The following SNTN variants were observed in gnomAD, a reference collection of about 807,000 sequenced individuals.
The protein encoded by SNTN is sentan, cilia apical structure protein, also known as sentan.
Under a neutral mutation model 12.3 loss-of-function variants are expected in SNTN, and 13 were observed. The ratio of observed to expected loss-of-function variants is 1.05; its 90% CI spans 0.69 to 1.67. SNTN has a LOEUF of 1.67. Among genes scored for constraint, SNTN ranks in the 40% most tolerant of loss-of-function variants. The probability of loss-of-function intolerance (pLI) is 0.00; values close to 1 mark genes in which losing one functional copy is unlikely to be tolerated. For missense variants in SNTN, 189 were observed against 169.8 expected (o/e 1.11, Z -0.63); for synonymous variants, 69 against 58.5 (o/e 1.18, Z -0.82).
At chr3:63,655,621 C>G (rs1700670686) in intron 2 of SNTN, among the ~76,000 whole-genome samples, 1 of 152,088 alleles carries the variant, frequency 6.6e-6, no homozygotes, top group Admixed American at 6.6e-5. Context: ...GATTGTAACT[C>G]GGTCACCTCC....
intron 2 of SNTN, among the ~76,000 whole-genome samples, chr3:63,659,449 A>C (rs573118220): frequency 7.2e-5 from 11 of 152,276 alleles, no homozygotes; most frequent in Admixed American, 7.2e-4. Context: ...CAGAAAACCA[A>C]AGCTTAGAGA....
At chr3:63,661,779 C>T (rs1237596508) in intron 3 of SNTN, among the ~76,000 whole-genome samples, 1 of 151,984 alleles carries the variant, frequency 6.6e-6, no homozygotes, top group East Asian at 1.9e-4. Context: ...CATTTGCCCA[C>T]ATCCAAGGCC....
chr3:63,660,783 A>G (rs1219042503), intron 3 of SNTN, among the ~76,000 whole-genome samples: 3 of 152,218 alleles, frequency 2.0e-5, no homozygotes, highest in Admixed American at 1.3e-4. Context: ...TTAGATGTCC[A>G]TGAAATATTT....
At chr3:63,657,813 A>T (rs1360056690) in intron 2 of SNTN, among the ~76,000 whole-genome samples, 1 of 152,196 alleles carries the variant, frequency 6.6e-6, no homozygotes, top group Non-Finnish European at 1.5e-5. Flanking sequence ...GAAGTCAAAG[A>T]TTTCATATAC....
At chr3:63,661,002 T>C (rs1166354647) in intron 3 of SNTN, among the ~76,000 whole-genome samples, 1 of 152,220 alleles carries the variant, frequency 6.6e-6, no homozygotes, top group African/African-American at 2.4e-5. Context: ...CTGTGTTGCT[T>C]AGAACTTTTC....
chr3:63,659,664 A>G (rs1700719476), intron 2 of SNTN, 61 bp from the exon 3 acceptor site: 1 of 1,590,132 alleles, frequency 6.3e-7, no homozygotes, highest in African/African-American at 1.3e-5. Flanking sequence ...ACACAACAGC[A>G]GGTCTGGGGA....
chr3:63,661,339 T>C (rs2106943508), intron 3 of SNTN, among the ~76,000 whole-genome samples: 1 of 152,328 alleles, frequency 6.6e-6, no homozygotes, highest in East Asian at 1.9e-4. Context: ...GTATCTGTTC[T>C]GAAATATTGA....
chr3:63,657,043 C>T (rs1293487689), intron 2 of SNTN, among the ~76,000 whole-genome samples: 1 of 152,132 alleles, frequency 6.6e-6, no homozygotes, highest in Non-Finnish European at 1.5e-5. Flanking sequence ...GAATGTGTGT[C>T]GTATATTATT....
In SNTN at chr3:63,654,775, A is replaced by G; in HGVS notation, c.124A>G (p.Lys42Glu). The change falls in exon 2 of 4, where the codon AAA (lysine) becomes GAA (glutamate). Residue 42 changes from lysine (K) to glutamate (E), a missense_variant. Lys to Glu is a moderately conservative substitution (Grantham distance 56). Coordinates refer to ENST00000343837, the MANE Select transcript of SNTN (RefSeq NM_001080537.2). Reference protein sequence around the residue: ...RKMPKRISISKQLASVKALRK... With the variant: ...RKMPKRISISEQLASVKALRK... ...TTTTGTTGGCAGGATTTCAATATCC[A>G]AACAACTGGCTTCAGTGAAAGGTAA... 3 of 1,613,326 alleles carry G rather than the reference A, an allele frequency of 1.9e-6. No individual in the cohort carries two copies. The highest frequency in any genetic ancestry group is 2.5e-6 in the Non-Finnish European group (3 of 1,179,518).
chr3:63,654,244 A>C (rs1700652008), intron 1 of SNTN, among the ~76,000 whole-genome samples: 1 of 152,198 alleles, frequency 6.6e-6, no homozygotes, highest in East Asian at 1.9e-4. Flanking sequence ...AGGAAGGCTA[A>C]GCTGCTGGAA....
chr3:63,653,610 C>T (rs1700644997), intron 1 of SNTN, among the ~76,000 whole-genome samples: 1 of 152,160 alleles, frequency 6.6e-6, no homozygotes, highest in Non-Finnish European at 1.5e-5. Context: ...CAAGGTACTA[C>T]CAAATTCTAT....
chr3:63,663,209 A>G (rs1212414799), intron 3 of SNTN, among the ~76,000 whole-genome samples: 2 of 152,184 alleles, frequency 1.3e-5, no homozygotes, highest in Admixed American at 1.3e-4. Context: ...CAAGAGGTAG[A>G]TGGGCTACAA....
At position 63,664,360 on chromosome 3, in the gene SNTN, G is replaced by A. The variant is rs1451019139; in HGVS notation, c.*265G>A. ...AAATGGCTTTTGCTGAGTCAGTAGC[G>A]ACCTAGAGCACTCTACTTATAGTCA... On this transcript the variant is annotated 3_prime_UTR_variant, in exon 4 of 4. Coordinates refer to ENST00000343837, the MANE Select transcript of SNTN (RefSeq NM_001080537.2). 1.6e-5 allele frequency: 5 copies of A among 321,202 alleles called. No homozygotes were observed. The highest frequency in any genetic ancestry group is 6.3e-5 in the East Asian group (1 of 15,932). The allele number at this position is 321,202 out of a possible 1,614,324, so 19.9% of individuals were successfully genotyped here.
At chr3:63,653,165 C>T (rs142732799) in intron 1 of SNTN, among the ~76,000 whole-genome samples, 150 of 152,254 alleles carry the variant, frequency 9.9e-4, no homozygotes, top group African/African-American at 3.5e-3. Context: ...TGTTCTTTCT[C>T]ATATAATTTC....
chr3:63,663,648 C>A, intron 3 of SNTN: 1 of 435,292 alleles, frequency 2.3e-6, no homozygotes, highest in South Asian at 2.4e-5. Flanking sequence ...TGGAACCCTC[C>A]CTCCTCCTCT....
At chr3:63,654,929 C>T (rs925480382) in intron 2 of SNTN, 133 bp downstream of exon 2, 1 of 773,560 alleles carries the variant, frequency 1.3e-6, no homozygotes, top group South Asian at 1.8e-5. Flanking sequence ...ATCAAATATT[C>T]ATGATGTTCT....
Position 63,661,872 on chromosome 3 carries a change from A to G in SNTN, c.285+2008A>G, listed in dbSNP as rs78020302. 8.5e-4 allele frequency among the ~76,000 whole-genome samples: 129 copies of G among 152,318 alleles called. No individual in the cohort carries two copies. The East Asian group carries it at 0.02, about 23-fold the overall frequency. ...CAAATGCTCAGCAAGCTTTTAACAC[A>G]TATGAAAATGAAGAACTAATGGATG... is the stretch of plus-strand genomic sequence containing the variant. On this transcript the variant is annotated intron_variant, in intron 3 of 3. Coordinates refer to ENST00000343837, the MANE Select transcript of SNTN (RefSeq NM_001080537.2).
intron 2 of SNTN, among the ~76,000 whole-genome samples, chr3:63,658,193 C>T (rs927130050): frequency 6.6e-6 from 1 of 152,036 alleles, no homozygotes; most frequent in African/African-American, 2.4e-5. Flanking sequence ...GCTTCCCAAG[C>T]CTGGAACATT....
At position 63,664,688 on chromosome 3, in the gene SNTN, T is replaced by C. The variant is rs1050807886; in HGVS notation, c.*593T>C. The C allele has an allele frequency of 5.9e-5, 9 of 151,704 alleles. No homozygotes were observed. The highest frequency in any genetic ancestry group is 1.9e-4 in the African/African-American group (8 of 41,290). 9.4% of individuals were successfully genotyped at this position (151,704 alleles called of 1,614,324 possible). On this transcript the variant is annotated 3_prime_UTR_variant, in exon 4 of 4. Transcript: ENST00000343837. The stretch of plus-strand genomic sequence containing the variant: ...AATTGGTCCATGGATGCCAGGGATA[T>C]GGGTGGGAAATGGGGCTGTCCACAA...
Sources: gnomAD v4.1 joint callset for allele counts (sites outside exome capture counted in the v4.1 genomes callset) on GRCh38, gnomAD v4.1.1 for gene constraint, MANE v1.5 for transcripts, NCBI Gene and HGNC (gene_info 2026-07-23, HGNC 2026-07-21) for gene names.